Variants in ERBB4 observed in about 807,000 individuals in gnomAD.
ERBB4 encodes the protein erb-b2 receptor tyrosine kinase 4.
ERBB4 carries 42 observed loss-of-function variants against 158.0 expected under a neutral mutation model. The ratio of observed to expected loss-of-function variants is 0.27; its 90% confidence interval spans 0.21 to 0.34. The LOEUF (loss-of-function observed/expected upper bound fraction) is 0.34, where lower values mean the gene tolerates loss of function less well. Ranked by LOEUF, ERBB4 falls within the 10% of genes least tolerant of loss-of-function variation. The pLI is 1.00. For missense variants in ERBB4, 1,333 were observed against 1,624.1 expected (o/e 0.82, Z 3.08); for synonymous variants, 583 against 558.7 (o/e 1.04, Z -0.61).
At chr2:211,398,651 T>C (rs563231929) in intron 25 of ERBB4, among the ~76,000 whole-genome samples, 22 of 152,170 alleles carry the variant, frequency 1.4e-4, no homozygotes, top group African/African-American at 5.1e-4. Context: ...GACCAGATGG[T>C]GAAACCCCAT....
chr2:211,976,858 C>T (rs998382521), intron 2 of ERBB4, among the ~76,000 whole-genome samples: 6 of 152,116 alleles, frequency 3.9e-5, no homozygotes, highest in Admixed American at 1.3e-4. Flanking sequence ...ATGACTTACA[C>T]GTTGCAAGAA....
intron 20 of ERBB4, among the ~76,000 whole-genome samples, chr2:211,546,444 G>C (rs1279383279): frequency 6.6e-6 from 1 of 151,966 alleles, no homozygotes; most frequent in East Asian, 1.9e-4. Flanking sequence ...GAATAGATTG[G>C]CATAAAGCCT....
rs2074916484 is a variant in ERBB4, at chr2:211,744,942, C to T, written c.622+5697G>A. 2.0e-5 allele frequency among the ~76,000 whole-genome samples: 3 copies of T among 152,262 alleles called. No homozygotes were observed. The South Asian group carries it at 6.2e-4, about 32-fold the overall frequency. ...TTCACTAAAGTGAATTTATTTTAGT[C>T]ATAGGGAAATAGGTCATTTGTAAAT... On this transcript the variant is annotated intron_variant, in intron 5 of 27. Transcript: ENST00000342788.
At chr2:211,586,239 C>T (rs1469945530) in intron 19 of ERBB4, among the ~76,000 whole-genome samples, 2 of 151,984 alleles carry the variant, frequency 1.3e-5, no homozygotes, top group Non-Finnish European at 2.9e-5. Context: ...ACACCAAAAA[C>T]CAAATGACAA....
At chr2:211,580,970 C>T (rs1266766260) in intron 19 of ERBB4, among the ~76,000 whole-genome samples, 1 of 145,412 alleles carries the variant, frequency 6.9e-6, no homozygotes, top group Non-Finnish European at 1.5e-5. Flanking sequence ...TTTGCAGTGA[C>T]CTGGATGAGA....
rs200822862 is a variant in ERBB4 at position 212,286,596 on chromosome 2, T to TGTTTTTTTTTTTTTTTTG, written c.83-161694_83-161693insCAAAAAAAAAAAAAAAAC. Among the ~76,000 whole-genome samples, 34 of 91,128 alleles carry TGTTTTTTTTTTTTTTTTG rather than the reference T, an allele frequency of 3.7e-4. 1 individual carries two copies. The highest frequency in any genetic ancestry group is 2.1e-3 in the African/African-American group (33 of 15,496). The allele number at this position is 91,128 out of a possible 152,430, so 59.8% of individuals were successfully genotyped here. ...TGAGATGATTACATAAGTGCTGACT[T>TGTTTTTTTTTTTTTTTTG]TTTTTTTTTTTTTTTTTTTTTTTTG... is the stretch of plus-strand genomic sequence containing the variant. On this transcript the variant is annotated intron_variant, in intron 1 of 27. Transcript: ENST00000342788.
At chr2:212,476,770 A>G (rs747684666) in intron 1 of ERBB4, among the ~76,000 whole-genome samples, 4 of 152,148 alleles carry the variant, frequency 2.6e-5, no homozygotes, top group Non-Finnish European at 5.9e-5. Flanking sequence ...CCATAAAAAT[A>G]TTTTCCTATA....
At chr2:211,462,380 A>G (rs1160141920) in intron 20 of ERBB4, among the ~76,000 whole-genome samples, 1 of 152,132 alleles carries the variant, frequency 6.6e-6, no homozygotes, top group Non-Finnish European at 1.5e-5. Context: ...GATCCAAACC[A>G]TATCGGAGTG....
At chr2:212,011,174 A>G (rs1436703111) in intron 2 of ERBB4, among the ~76,000 whole-genome samples, 1 of 150,502 alleles carries the variant, frequency 6.6e-6, no homozygotes, top group Non-Finnish European at 1.5e-5. Flanking sequence ...TAAGAGATTA[A>G]AGTAAAGACA....
chr2:211,942,313 A>C (rs73989231), intron 3 of ERBB4, among the ~76,000 whole-genome samples: 11 of 151,742 alleles, frequency 7.2e-5, no homozygotes, highest in Admixed American at 2.0e-4. Context: ...TACATGTTGT[A>C]GTTTCTGGAT....
Position 211,461,696 on chromosome 2 carries a change from C to A in ERBB4, c.2488-30596G>T, listed in dbSNP as rs539366129. 2.6e-5 allele frequency among the ~76,000 whole-genome samples: 4 copies of A among 151,924 alleles called. No homozygotes were observed. In the East Asian group the frequency reaches 7.8e-4, roughly 30 times the overall value. ...CAGAAGGAGAGAGAGATACACACTA[C>A]GAAATGTAGGCCGGCATGCTGAACC... On this transcript the variant is annotated intron_variant, in intron 20 of 27. Coordinates refer to ENST00000342788, the MANE Select transcript of ERBB4 (RefSeq NM_005235.3).
intron 19 of ERBB4, among the ~76,000 whole-genome samples, chr2:211,598,406 A>C (rs2068700566): frequency 6.6e-6 from 1 of 152,184 alleles, no homozygotes. Context: ...GTTGCAGATA[A>C]CTTGGGTGAC....
At chr2:211,444,460 AATCT>A (rs2064062432) in intron 20 of ERBB4, among the ~76,000 whole-genome samples, 1 of 152,100 alleles carries the variant, frequency 6.6e-6, no homozygotes, top group African/African-American at 2.4e-5. Flanking sequence ...ATAACATGGA[AATCT>A]ATCATTCACA....
At chr2:212,482,119 T>C (rs1394481161) in intron 1 of ERBB4, among the ~76,000 whole-genome samples, 1 of 152,242 alleles carries the variant, frequency 6.6e-6, no homozygotes, top group Non-Finnish European at 1.5e-5. Context: ...GTGTTGACAC[T>C]GACCACACTA....
rs1196773001 is a variant in ERBB4 at position 212,374,261 on chromosome 2, A to G, written c.82+164188T>C. The stretch of plus-strand genomic sequence containing the variant: ...ATTATATTACATCCATGGCTAAAAC[A>G]TTTCAAAGACCTTAACAGTGACTAT... On this transcript the variant is annotated intron_variant, in intron 1 of 27. Coordinates refer to ENST00000342788, the MANE Select transcript of ERBB4 (RefSeq NM_005235.3). 1.3e-5 allele frequency among the ~76,000 whole-genome samples: 2 copies of G among 151,488 alleles called. 1 individual carries two copies. Among genetic ancestry groups the G allele is most frequent in the South Asian group, 4.1e-4 (2 of 4,828 alleles).
intron 2 of ERBB4, among the ~76,000 whole-genome samples, chr2:211,956,326 AAAG>A (rs1405201790): frequency 6.6e-6 from 1 of 152,130 alleles, no homozygotes; most frequent in Non-Finnish European, 1.5e-5. Context: ...GCTGAAGTAA[AAAG>A]AAATTATTAG....
chr2:212,369,364 C>T (rs1321082060), intron 1 of ERBB4, among the ~76,000 whole-genome samples: 1 of 152,114 alleles, frequency 6.6e-6, no homozygotes, highest in East Asian at 1.9e-4. Context: ...CCCTGGTACG[C>T]ATTTGACTTT....
At chr2:212,404,800 C>T (rs1012135428) in intron 1 of ERBB4, among the ~76,000 whole-genome samples, 4 of 152,004 alleles carry the variant, frequency 2.6e-5, no homozygotes, top group African/African-American at 9.7e-5. Flanking sequence ...CTCCCTCCTC[C>T]CACTCTCCAC....
At chr2:211,569,568 CG>C (rs1559305322) in intron 19 of ERBB4, among the ~76,000 whole-genome samples, 1 of 152,102 alleles carries the variant, frequency 6.6e-6, no homozygotes, top group African/African-American at 2.4e-5. Context: ...GATAATGAAA[CG>C]GTGGTCGCAG....
Sources: allele counts gnomAD v4.1 joint callset (sites outside exome capture counted in the v4.1 genomes callset), GRCh38; gene constraint gnomAD v4.1.1; transcripts MANE v1.5; gene names NCBI Gene and HGNC (gene_info 2026-07-23, HGNC 2026-07-21).